The following PHYHIPL variants were observed in gnomAD, a reference collection of about 807,000 sequenced individuals.
The protein encoded by PHYHIPL is phytanoyl-CoA hydroxylase-interacting protein-like.
In PHYHIPL, 9 loss-of-function variants were observed where a neutral mutation model predicts 33.4. The observed-to-expected ratio is 0.27, with a 90% confidence interval of 0.16 to 0.47. The LOEUF is 0.47. Among genes scored for constraint, PHYHIPL ranks in the 20% least tolerant of loss-of-function variants. PHYHIPL has a pLI of 0.99. For synonymous variants in PHYHIPL, 153 were observed against 154.1 expected (o/e 0.99, Z 0.05); for missense variants, 365 against 460.7 (o/e 0.79, Z 1.90).
intron 1 of PHYHIPL, among the ~76,000 whole-genome samples, chr10:59,212,549 C>A (rs528533994): frequency 6.6e-6 from 1 of 152,298 alleles, no homozygotes; most frequent in African/African-American, 2.4e-5. Flanking sequence ...GGCAAATGGT[C>A]AACCGTTAAC....
intron 2 of PHYHIPL, 28 bp from the exon 3 acceptor site, chr10:59,236,453 TTC>T: frequency 1.2e-5 from 17 of 1,422,376 alleles, no homozygotes; most frequent in South Asian, 3.0e-5. Flanking sequence ...CCCCTCATTT[TTC>T]TCTCTCTCTT....
At chr10:59,180,257 T>TATACAC (rs1554854118) in intron 1 of PHYHIPL, among the ~76,000 whole-genome samples, 21 of 118,960 alleles carry the variant, frequency 1.8e-4, no homozygotes, top group South Asian at 1.1e-3. Flanking sequence ...ATCATATATA[T>TATACAC]ACACACACAC....
intron 1 of PHYHIPL, among the ~76,000 whole-genome samples, chr10:59,182,957 A>G (rs544024611): frequency 2.6e-5 from 4 of 152,334 alleles, no homozygotes; most frequent in South Asian, 2.1e-4. Flanking sequence ...TCCTGATGAC[A>G]TTAATTTTTT....
chr10:59,201,724 T>C (rs1024020379), intron 1 of PHYHIPL, among the ~76,000 whole-genome samples: 5 of 152,264 alleles, frequency 3.3e-5, no homozygotes, highest in African/African-American at 9.6e-5. Flanking sequence ...GTTTCAGCCA[T>C]TGAATAATGA....
chr10:59,224,413 C>T (rs924582494), intron 1 of PHYHIPL, among the ~76,000 whole-genome samples: 6 of 151,834 alleles, frequency 4.0e-5, no homozygotes, highest in African/African-American at 1.5e-4. Flanking sequence ...CATGATTGTG[C>T]CTCTGCACTC....
At chr10:59,210,493 T>A (rs1299171731) in intron 1 of PHYHIPL, among the ~76,000 whole-genome samples, 1 of 152,194 alleles carries the variant, frequency 6.6e-6, no homozygotes, top group East Asian at 1.9e-4. Flanking sequence ...GTAAATTAGT[T>A]CAACCATTGT....
intron 1 of PHYHIPL, among the ~76,000 whole-genome samples, chr10:59,185,491 G>A (rs1358349315): frequency 6.6e-6 from 1 of 152,088 alleles, no homozygotes; most frequent in Admixed American, 6.5e-5. Context: ...GTAATGGGAT[G>A]GCTGGGTCAA....
At chr10:59,177,244 G>C (rs1344653380) in intron 1 of PHYHIPL, 1 of 583,152 alleles carries the variant, frequency 1.7e-6, no homozygotes, top group Non-Finnish European at 2.9e-6. Context: ...GTTCCCGCTC[G>C]CGGCTCCTGC....
chr10:59,189,990 G>T (rs1006682681), intron 1 of PHYHIPL, among the ~76,000 whole-genome samples: 1 of 151,846 alleles, frequency 6.6e-6, no homozygotes, highest in Admixed American at 6.6e-5. Context: ...TTAGGATTTT[G>T]GATTTATTAT....
At chr10:59,214,995 G>T (rs1052013533) in intron 1 of PHYHIPL, among the ~76,000 whole-genome samples, 1 of 151,956 alleles carries the variant, frequency 6.6e-6, no homozygotes, top group African/African-American at 2.4e-5. Context: ...TGAGGGCTGG[G>T]TGTTGAAGTA....
chr10:59,190,127 A>G (rs1423110328), intron 1 of PHYHIPL, among the ~76,000 whole-genome samples: 1 of 152,030 alleles, frequency 6.6e-6, no homozygotes, highest in East Asian at 1.9e-4. Context: ...TTTTTCAAAT[A>G]GTCAATCAGT....
chr10:59,239,951 C>A (rs776801995), intron 4 of PHYHIPL, among the ~76,000 whole-genome samples: 2 of 151,970 alleles, frequency 1.3e-5, no homozygotes, highest in African/African-American at 2.4e-5. Flanking sequence ...TGTTTGAAGA[C>A]CATGGTTCCA....
In PHYHIPL at chr10:59,209,232, A is replaced by G. The variant is rs186462663; in HGVS notation, c.107-25072A>G. On this transcript the variant is annotated intron_variant, in intron 1 of 4. Coordinates refer to ENST00000373880, the MANE Select transcript of PHYHIPL (RefSeq NM_032439.4). Reference sequence around the variant, plus strand: ...CCATCAGACTAACAGCTGATCTCTCAGCAGAAACTCTACAAACCAGAAGAG... The same window carrying G: ...CCATCAGACTAACAGCTGATCTCTCGGCAGAAACTCTACAAACCAGAAGAG... Among the ~76,000 whole-genome samples the G allele has an allele frequency of 5.0e-4, 76 of 152,368 alleles. 1 individual carries two copies. Among genetic ancestry groups the G allele is most frequent in the African/African-American group, 1.1e-3 (44 of 41,590 alleles).
intron 1 of PHYHIPL, among the ~76,000 whole-genome samples, chr10:59,192,864 A>G (rs1263972012): frequency 6.6e-6 from 1 of 152,140 alleles, no homozygotes; most frequent in African/African-American, 2.4e-5. Flanking sequence ...GTAGGCTTGA[A>G]GACAAGCGAT....
intron 1 of PHYHIPL, among the ~76,000 whole-genome samples, chr10:59,225,727 C>G (rs1441644106): frequency 1.3e-5 from 2 of 152,046 alleles, no homozygotes; most frequent in Non-Finnish European, 1.5e-5. Context: ...TTTAAAGTCT[C>G]TTAACTAGAA....
intron 1 of PHYHIPL, among the ~76,000 whole-genome samples, chr10:59,194,501 ATG>A (rs2133205150): frequency 6.6e-6 from 1 of 152,264 alleles, no homozygotes; most frequent in African/African-American, 2.4e-5. Context: ...AGTGCAGATA[ATG>A]TGTGTGTATT....
intron 2 of PHYHIPL, among the ~76,000 whole-genome samples, chr10:59,236,265 C>T (rs1237215986): frequency 6.6e-6 from 1 of 151,824 alleles, no homozygotes; most frequent in African/African-American, 2.4e-5. Context: ...CAGTCAGGAA[C>T]TTAATAAGTT....
intron 1 of PHYHIPL, among the ~76,000 whole-genome samples, chr10:59,181,921 G>A (rs538383146): frequency 2.6e-5 from 4 of 152,144 alleles, no homozygotes; most frequent in Admixed American, 2.6e-4. Flanking sequence ...TTACTTTGTT[G>A]CCTAGGTAGG....
intron 2 of PHYHIPL, among the ~76,000 whole-genome samples, chr10:59,235,420 CTA>C (rs1840196369): frequency 6.6e-6 from 1 of 151,694 alleles, no homozygotes; most frequent in African/African-American, 2.4e-5. Flanking sequence ...AAAATCTGGT[CTA>C]TTTTTTAATA....
Sources: allele counts gnomAD v4.1 joint callset (sites outside exome capture counted in the v4.1 genomes callset), GRCh38; gene constraint gnomAD v4.1.1; transcripts MANE v1.5; gene names NCBI Gene and HGNC (gene_info 2026-07-23, HGNC 2026-07-21).